NRP1: variants seen among roughly 807,000 people sequenced by gnomAD.
NRP1 encodes the protein neuropilin 1, also known as neuropilin-1.
Under a neutral mutation model 106.7 loss-of-function variants are expected in NRP1, and 35 were observed. That is an observed-to-expected ratio of 0.33 (90% CI 0.25 to 0.43). NRP1 has a LOEUF of 0.43. Ranked by LOEUF, NRP1 falls within the 20% of genes least tolerant of loss-of-function variation. NRP1 has a pLI of 1.00. For missense variants in NRP1, 1,024 were observed against 1,170.4 expected (o/e 0.87, Z 1.83); for synonymous variants, 437 against 417.9 (o/e 1.05, Z -0.56).
chr10:33,249,677 G>C (rs1655898765), intron 6 of NRP1: 1 of 359,948 alleles, frequency 2.8e-6, no homozygotes, highest in African/African-American at 2.1e-5. Flanking sequence ...ATTTCATAGT[G>C]TGATTAACTC....
chr10:33,225,234 A>G (rs1588770819), intron 7 of NRP1, among the ~76,000 whole-genome samples: 1 of 152,120 alleles, frequency 6.6e-6, no homozygotes, highest in Admixed American at 6.5e-5. Context: ...GAATTAATAG[A>G]TTTTCTCACT....
intron 6 of NRP1, among the ~76,000 whole-genome samples, chr10:33,245,050 G>A (rs1473453571): frequency 6.6e-6 from 1 of 152,180 alleles, no homozygotes; most frequent in Non-Finnish European, 1.5e-5. Context: ...GGTTTATGAA[G>A]CTATTTTCCT....
At chr10:33,311,843 A>G (rs1051217310) in intron 2 of NRP1, among the ~76,000 whole-genome samples, 1 of 152,170 alleles carries the variant, frequency 6.6e-6, no homozygotes, top group African/African-American at 2.4e-5. Context: ...TATAAACCAA[A>G]CCCTAAAACA....
intron 11 of NRP1, among the ~76,000 whole-genome samples, chr10:33,199,317 C>A (rs1436983063): frequency 7.0e-6 from 1 of 142,920 alleles, no homozygotes; most frequent in Non-Finnish European, 1.5e-5. Context: ...CCACTTCAGC[C>A]TCCTGAGTAG....
intron 2 of NRP1, among the ~76,000 whole-genome samples, chr10:33,296,844 C>T (rs1388968955): frequency 6.6e-6 from 1 of 152,072 alleles, no homozygotes; most frequent in Non-Finnish European, 1.5e-5. Flanking sequence ...GTATGGCCAA[C>T]ATGGCGAAAC....
chr10:33,226,293 C>T lies in NRP1; in HGVS notation c.982-4G>A. 6.2e-7 allele frequency: 1 copy of T among 1,614,058 alleles called. No individual in the cohort carries two copies. The highest frequency in any genetic ancestry group is 8.5e-7 in the Non-Finnish European group (1 of 1,179,982). ...AGCGCAGAAGGCCCAAGTCTACCTG[C>T]AAGACAAGTACAAGCGTGGTCAGTG... On this transcript the variant is annotated splice_region_variant and splice_polypyrimidine_tract_variant and intron_variant, in intron 6 of 16. Transcript: ENST00000374867.
At chr10:33,304,303 C>T (rs1005434602) in intron 2 of NRP1, among the ~76,000 whole-genome samples, 1 of 152,150 alleles carries the variant, frequency 6.6e-6, no homozygotes, top group East Asian at 1.9e-4. Context: ...TGGACTATTT[C>T]ACCACAGCAA....
At chr10:33,256,501 A>G (rs1588859930) in intron 4 of NRP1, 30 bp from the exon 5 acceptor site, 1 of 1,606,474 alleles carries the variant, frequency 6.2e-7, no homozygotes, top group Non-Finnish European at 8.5e-7. Context: ...GACGATGTCA[A>G]AATGTCTTTT....
intron 2 of NRP1, among the ~76,000 whole-genome samples, chr10:33,297,946 T>C (rs981991744): frequency 6.6e-6 from 1 of 152,068 alleles, no homozygotes; most frequent in African/African-American, 2.4e-5. Flanking sequence ...AATCATATTA[T>C]CTTCTGAAAA....
intron 3 of NRP1, among the ~76,000 whole-genome samples, chr10:33,269,833 A>G (rs968874203): frequency 9.2e-5 from 14 of 152,206 alleles, no homozygotes; most frequent in African/African-American, 3.4e-4. Flanking sequence ...CGAGAATCTA[A>G]TGCCTGAGGA....
At chr10:33,229,570 C>T (rs932603418) in intron 6 of NRP1, among the ~76,000 whole-genome samples, 1 of 152,134 alleles carries the variant, frequency 6.6e-6, no homozygotes, top group African/African-American at 2.4e-5. Flanking sequence ...TCAGCTTGGG[C>T]TGATTTGAAA....
At chr10:33,216,084 T>C (rs940784110) in intron 8 of NRP1, among the ~76,000 whole-genome samples, 1 of 152,162 alleles carries the variant, frequency 6.6e-6, no homozygotes, top group African/African-American at 2.4e-5. Context: ...GACACAGTTT[T>C]CCATTTCTGG....
chr10:33,224,805 T>C (rs965251395), intron 7 of NRP1, among the ~76,000 whole-genome samples: 2 of 152,170 alleles, frequency 1.3e-5, no homozygotes, highest in Admixed American at 6.5e-5. Context: ...CAGTTATAAG[T>C]AAGAACATGT....
chr10:33,285,826 C>T (rs978012188), intron 2 of NRP1, among the ~76,000 whole-genome samples: 1 of 130,036 alleles, frequency 7.7e-6, no homozygotes, highest in African/African-American at 2.8e-5. Context: ...GAGCGAGACT[C>T]CATCTCAAAA....
At chr10:33,316,704 G>A (rs2768420) in intron 2 of NRP1, among the ~76,000 whole-genome samples, 85,637 of 152,148 alleles carry the variant, frequency 0.56, 28,221 homozygotes, top group Non-Finnish European at 0.71. Context: ...AGATGCAGGA[G>A]AGAAGAAGGC....
intron 7 of NRP1, among the ~76,000 whole-genome samples, chr10:33,224,883 A>G (rs1357589249): frequency 1.3e-5 from 2 of 152,200 alleles, no homozygotes; most frequent in Non-Finnish European, 2.9e-5. Flanking sequence ...GTCTAAGGTC[A>G]GCTCTCCCGG....
chr10:33,185,202 A>C (rs1421407225), intron 15 of NRP1, among the ~76,000 whole-genome samples: 1 of 152,252 alleles, frequency 6.6e-6, no homozygotes, highest in Non-Finnish European at 1.5e-5. Flanking sequence ...TGGTTCATTA[A>C]CAATGCATTC....
chr10:33,277,231 G>T (rs942374700), intron 2 of NRP1, among the ~76,000 whole-genome samples: 2 of 152,192 alleles, frequency 1.3e-5, no homozygotes, highest in Non-Finnish European at 2.9e-5. Context: ...GAGTGTATGT[G>T]ACAGAGAGAG....
intron 10 of NRP1, among the ~76,000 whole-genome samples, chr10:33,203,729 T>G (rs1178843220): frequency 1.6e-5 from 1 of 62,892 alleles, no homozygotes; most frequent in South Asian, 6.6e-4. Flanking sequence ...CTGCTTTTTT[T>G]TTTTTTTTTT....
Sources: allele counts gnomAD v4.1 joint callset (sites outside exome capture counted in the v4.1 genomes callset), GRCh38; gene constraint gnomAD v4.1.1; transcripts MANE v1.5; gene names NCBI Gene and HGNC (gene_info 2026-07-23, HGNC 2026-07-21).